Variants in ZNF277 observed in about 807,000 individuals in gnomAD.
ZNF277 encodes nuclear receptor-interacting factor 4.
In ZNF277, 55 loss-of-function variants were observed where a neutral mutation model predicts 60.7. That is an observed-to-expected ratio of 0.91 (90% confidence interval 0.73 to 1.13). ZNF277 has a LOEUF of 1.13. ZNF277 is among the 50% of genes most tolerant of loss of function. ZNF277 has a pLI of 0.00. For missense variants in ZNF277, 510 were observed against 523.0 expected, an observed-to-expected ratio of 0.98 and a Z score of 0.24; for synonymous variants, 178 against 179.3, an observed-to-expected ratio of 0.99 and a Z score of 0.06.
intron 10 of ZNF277, 95 bp downstream of exon 10, chr7:112,339,980 T>C (rs536255216): frequency 8.8e-7 from 1 of 1,138,462 alleles, no homozygotes; most frequent in South Asian, 1.3e-5. Flanking sequence ...GATTGGAGAG[T>C]GCACCACCAA....
At chr7:112,276,409 C>G (rs879194795) in intron 1 of ZNF277, among the ~76,000 whole-genome samples, 1 of 152,074 alleles carries the variant, frequency 6.6e-6, no homozygotes, top group African/African-American at 2.4e-5. Context: ...TGTCGGATGA[C>G]AAAAGATGCT....
intron 1 of ZNF277, among the ~76,000 whole-genome samples, chr7:112,244,061 T>C (rs1324201647): frequency 1.3e-5 from 2 of 152,068 alleles, no homozygotes; most frequent in Non-Finnish European, 2.9e-5. Context: ...GAAAGTCAAA[T>C]ACCACACGTT....
At chr7:112,342,304 C>G (rs1184128335) in intron 11 of ZNF277, among the ~76,000 whole-genome samples, 1 of 152,102 alleles carries the variant, frequency 6.6e-6, no homozygotes, top group African/African-American at 2.4e-5. Flanking sequence ...GCGGACAACT[C>G]CAGAGGCAAC....
chr7:112,254,275 A>G (rs532527244), intron 1 of ZNF277, among the ~76,000 whole-genome samples: 1 of 152,344 alleles, frequency 6.6e-6, no homozygotes, highest in South Asian at 2.1e-4. Flanking sequence ...CAGCATCAGC[A>G]TCACCTGGGA....
chr7:112,261,225 C>T (rs1236037691), intron 1 of ZNF277, among the ~76,000 whole-genome samples: 1 of 152,216 alleles, frequency 6.6e-6, no homozygotes, highest in Non-Finnish European at 1.5e-5. Flanking sequence ...CTGGTGTCAT[C>T]AGCTTCAACC....
chr7:112,208,959 G>T (rs1329565481), intron 1 of ZNF277, among the ~76,000 whole-genome samples: 2 of 152,126 alleles, frequency 1.3e-5, no homozygotes, highest in Non-Finnish European at 2.9e-5. Context: ...GATTACAGGC[G>T]TAAGCCACCG....
At chr7:112,244,540 ACTT>A (rs532341168) in intron 1 of ZNF277, among the ~76,000 whole-genome samples, 80 of 152,276 alleles carry the variant, frequency 5.3e-4, no homozygotes, top group African/African-American at 1.9e-3. Flanking sequence ...AGTGACTTTT[ACTT>A]CTTTAAAATT....
At chr7:112,302,828 C>T (rs1306108594) in intron 4 of ZNF277, among the ~76,000 whole-genome samples, 2 of 151,962 alleles carry the variant, frequency 1.3e-5, no homozygotes, top group East Asian at 3.8e-4. Context: ...TGGTTATATA[C>T]AGTGTTAAAT....
At chr7:112,328,024 C>T (rs1249153017) in intron 6 of ZNF277, among the ~76,000 whole-genome samples, 197 bp downstream of exon 6, 1 of 152,114 alleles carries the variant, frequency 6.6e-6, no homozygotes, top group Non-Finnish European at 1.5e-5. Flanking sequence ...TTCAAATACA[C>T]TATGTCATAT....
intron 5 of ZNF277, among the ~76,000 whole-genome samples, chr7:112,326,971 A>C (rs1359012617): frequency 2.6e-5 from 4 of 152,178 alleles, no homozygotes; most frequent in Admixed American, 6.5e-5. Context: ...ATTAATCAAG[A>C]AGTTGGTCAT....
chr7:112,313,872 G>C (rs529409730), intron 4 of ZNF277, among the ~76,000 whole-genome samples: 1 of 152,216 alleles, frequency 6.6e-6, no homozygotes, highest in South Asian at 2.1e-4. Context: ...TTGATTTTCA[G>C]TAGAGCACTT....
rs1217987709 is a variant in ZNF277, at chr7:112,309,917, G to A, written c.466-8265G>A. On this transcript the variant is annotated intron_variant, in intron 4 of 11. Transcript: ENST00000361822. Reference sequence around the variant, plus strand: ...ATCAGAACAAGTCAAACAGAGAGACGCATAGGATGAGATCTGGGAGATTCC... The same window carrying A: ...ATCAGAACAAGTCAAACAGAGAGACACATAGGATGAGATCTGGGAGATTCC... Among the ~76,000 whole-genome samples, 4 of 151,974 alleles carry A rather than the reference G, an allele frequency of 2.6e-5. No individual in the cohort carries two copies. The East Asian group carries it at 5.8e-4, about 22-fold the overall frequency.
chr7:112,292,224 T>C (rs1792225061), intron 2 of ZNF277, among the ~76,000 whole-genome samples: 1 of 152,182 alleles, frequency 6.6e-6, no homozygotes, highest in South Asian at 2.1e-4. Context: ...TACTCAAACA[T>C]AGAAGTTTTT....
intron 1 of ZNF277, among the ~76,000 whole-genome samples, chr7:112,228,362 A>G (rs1276665131): frequency 6.6e-6 from 1 of 151,398 alleles, no homozygotes; most frequent in Non-Finnish European, 1.5e-5. Context: ...TCTATTGAAT[A>G]TATCACCCAT....
intron 1 of ZNF277, among the ~76,000 whole-genome samples, chr7:112,221,263 A>G (rs994026836): frequency 1.3e-5 from 2 of 152,132 alleles, no homozygotes; most frequent in Non-Finnish European, 2.9e-5. Flanking sequence ...CACGGCTTCT[A>G]ATAGAGCTGT....
At chr7:112,301,141 G>T (rs1247602502) in intron 4 of ZNF277, among the ~76,000 whole-genome samples, 1 of 151,452 alleles carries the variant, frequency 6.6e-6, no homozygotes, top group African/African-American at 2.4e-5. Context: ...GGAGTACAGT[G>T]GCTCACTGCA....
At chr7:112,241,317 C>T (rs1413546758) in intron 1 of ZNF277, among the ~76,000 whole-genome samples, 2 of 152,078 alleles carry the variant, frequency 1.3e-5, no homozygotes, top group East Asian at 3.9e-4. Flanking sequence ...AAGATATTAT[C>T]TCACCTCAGT....
At chr7:112,228,557 A>G (rs1190584174) in intron 1 of ZNF277, among the ~76,000 whole-genome samples, 1 of 147,450 alleles carries the variant, frequency 6.8e-6, no homozygotes, top group East Asian at 2.0e-4. Context: ...TGTCATTCCC[A>G]TAAATATTAA....
At chr7:112,317,927 C>T (rs1792876831) in intron 4 of ZNF277, among the ~76,000 whole-genome samples, 1 of 152,052 alleles carries the variant, frequency 6.6e-6, no homozygotes, top group Admixed American at 6.6e-5. Flanking sequence ...CTGGAAAAGA[C>T]AGGGTAGCAA....
Sources: gnomAD v4.1 joint callset for allele counts (sites outside exome capture counted in the v4.1 genomes callset) on GRCh38, gnomAD v4.1.1 for gene constraint, MANE v1.5 for transcripts, NCBI Gene and HGNC (gene_info 2026-07-23, HGNC 2026-07-21) for gene names.